The following DHX40 variants were observed in gnomAD, a reference collection of about 807,000 sequenced individuals.
The protein encoded by DHX40 is probable ATP-dependent RNA helicase DHX40.
Under a neutral mutation model 89.6 loss-of-function variants are expected in DHX40, and 28 were observed. The observed-to-expected ratio is 0.31, with a 90% CI of 0.23 to 0.43. The LOEUF is 0.43. Among genes scored for constraint, DHX40 ranks in the 20% least tolerant of loss-of-function variants. The pLI is 1.00. For synonymous variants in DHX40, 226 were observed against 283.6 expected (o/e 0.80, Z 2.04); for missense variants, 457 against 844.0 (o/e 0.54, Z 5.68).
chr17:59,573,463 G>A (rs1236396212), intron 4 of DHX40, among the ~76,000 whole-genome samples: 1 of 152,042 alleles, frequency 6.6e-6, no homozygotes, highest in African/African-American at 2.4e-5. Context: ...CTGAGTTGCT[G>A]GTACTGCAGA....
chr17:59,568,790 A>G (rs544653058), intron 2 of DHX40, among the ~76,000 whole-genome samples: 1 of 151,632 alleles, frequency 6.6e-6, no homozygotes, highest in Non-Finnish European at 1.5e-5. Flanking sequence ...ATCGATTTTA[A>G]GATGCAGCTC....
At chr17:59,568,907 G>A (rs899679180) in intron 2 of DHX40, among the ~76,000 whole-genome samples, 7 of 150,932 alleles carry the variant, frequency 4.6e-5, no homozygotes, top group East Asian at 3.9e-4. Context: ...TTACTATGTC[G>A]CCCAGGCTGA....
At chr17:59,565,812 A>T in intron 1 of DHX40, 29 bp downstream of exon 1, 1 of 1,563,926 alleles carries the variant, frequency 6.4e-7, no homozygotes, top group Admixed American at 1.8e-5. Context: ...TACGGAAGCC[A>T]GCGGGAGTTA....
At chr17:59,602,484 C>A (rs766244059) in intron 14 of DHX40, 38 bp from the exon 15 acceptor site, 46 of 1,491,904 alleles carry the variant, frequency 3.1e-5, no homozygotes, top group Non-Finnish European at 4.1e-5. Context: ...TCAAATTGTA[C>A]TATGAGATTT....
intron 2 of DHX40, among the ~76,000 whole-genome samples, chr17:59,570,097 TA>T (rs1567857883): frequency 4.6e-5 from 6 of 129,146 alleles, no homozygotes; most frequent in Non-Finnish European, 9.5e-5. Flanking sequence ...TAATATATAG[TA>T]TATATTATAA....
chr17:59,594,958 G>GT, intron 12 of DHX40, among the ~76,000 whole-genome samples: 1 of 152,036 alleles, frequency 6.6e-6, no homozygotes, highest in Non-Finnish European at 1.5e-5. Flanking sequence ...ATTTTGACTA[G>GT]TTTAATAGAT....
rs548961491 is a variant in DHX40 at position 59,585,747 on chromosome 17, A to G, written c.1344-406A>G. Among the ~76,000 whole-genome samples the G allele has an allele frequency of 1.6e-3, 236 of 145,318 alleles. 1 individual carries two copies. Among genetic ancestry groups the G allele is most frequent in the African/African-American group, 6.1e-3 (222 of 36,654 alleles). On this transcript the variant is annotated intron_variant, in intron 10 of 17. Coordinates refer to ENST00000251241, the MANE Select transcript of DHX40 (RefSeq NM_024612.5). ...CCAAAAAAAAGCATTTTGAGGTACT[A>G]TTGAACAATTTATAATTTTCAGTAC...
chr17:59,593,769 A>T (rs1312146679), intron 12 of DHX40, among the ~76,000 whole-genome samples: 1 of 150,072 alleles, frequency 6.7e-6, no homozygotes, highest in Non-Finnish European at 1.5e-5. Flanking sequence ...GGAGTGAGCC[A>T]CCATGCCCGG....
intron 10 of DHX40, among the ~76,000 whole-genome samples, chr17:59,581,795 A>C (rs77949906): frequency 0.087 from 10,494 of 120,748 alleles, 3,607 homozygotes; most frequent in African/African-American, 0.35. Flanking sequence ...GCAAAAAAAA[A>C]CCCCAAAACC....
In DHX40 at chr17:59,591,866, G is replaced by A. The variant is rs1032480959; in HGVS notation, c.1582+3813G>A. ...AACCATAGTACATTAATCAAAATTC[G>A]GAAATTGTTTTGTTTTGTTTGAGAG... On this transcript the variant is annotated intron_variant, in intron 12 of 17. Coordinates refer to ENST00000251241, the MANE Select transcript of DHX40 (RefSeq NM_024612.5). Among the ~76,000 whole-genome samples, 11 of 151,714 alleles carry A rather than the reference G, an allele frequency of 7.3e-5. No individual in the cohort carries two copies. In the East Asian group the frequency reaches 9.6e-4, roughly 13 times the overall value.
Position 59,572,991 on chromosome 17 carries a change from A to C in DHX40, c.427-125A>C, listed in dbSNP as rs1383823589. 3.0e-6 allele frequency: 3 copies of C among 998,870 alleles called. No individual in the cohort carries two copies. In the East Asian group the frequency reaches 7.9e-5, roughly 26 times the overall value. 61.9% of individuals were successfully genotyped at this position (998,870 alleles called of 1,614,324 possible). A position where few individuals can be genotyped will look rare whatever the true frequency, so the allele number is the denominator to read the frequency against. Reference sequence around the variant, plus strand: ...CCATCATTTTGTATACATAAGTTAGACTATTTTTATGTACCCTTTTGTTTA... The same window carrying C: ...CCATCATTTTGTATACATAAGTTAGCCTATTTTTATGTACCCTTTTGTTTA... On this transcript the variant is annotated intron_variant, in intron 3 of 17. Transcript: ENST00000251241.
chr17:59,600,054 C>A (rs186582168), intron 14 of DHX40, among the ~76,000 whole-genome samples: 2 of 152,104 alleles, frequency 1.3e-5, no homozygotes, highest in African/African-American at 4.8e-5. Flanking sequence ...AAACTCCTGA[C>A]CTCAAGTGAT....
intron 12 of DHX40, among the ~76,000 whole-genome samples, chr17:59,596,303 A>C (rs1289902665): frequency 1.3e-5 from 2 of 152,240 alleles, no homozygotes; most frequent in East Asian, 3.8e-4. Flanking sequence ...GTGTTGGCTC[A>C]AGCCTGTAAT....
At chr17:59,587,799 G>A in intron 11 of DHX40, 97 bp from the exon 12 acceptor site, 1 of 1,528,098 alleles carries the variant, frequency 6.5e-7, no homozygotes, top group Non-Finnish European at 8.9e-7. Flanking sequence ...GGTGATTGGA[G>A]GTAACGTAAA....
chr17:59,575,675 T>C (rs2048871241), intron 7 of DHX40: 1 of 481,416 alleles, frequency 2.1e-6, no homozygotes, highest in South Asian at 1.9e-5. Flanking sequence ...TGAAGTCTTT[T>C]TACATTCACT....
chr17:59,568,642 T>C (rs1234743548), intron 2 of DHX40, among the ~76,000 whole-genome samples: 1 of 152,054 alleles, frequency 6.6e-6, no homozygotes, highest in Non-Finnish European at 1.5e-5. Context: ...AGTAAAACTT[T>C]TGTAAATGTG....
intron 2 of DHX40, among the ~76,000 whole-genome samples, chr17:59,569,610 C>A (rs945413425): frequency 1.4e-5 from 2 of 147,230 alleles, no homozygotes; most frequent in African/African-American, 5.0e-5. Context: ...CGCTTGAACC[C>A]AGGAAGTGAA....
At chr17:59,587,725 T>C (rs540547836) in intron 11 of DHX40, among the ~76,000 whole-genome samples, 171 bp from the exon 12 acceptor site, 1 of 152,108 alleles carries the variant, frequency 6.6e-6, no homozygotes, top group Admixed American at 6.5e-5. Context: ...CCCAAAGTGC[T>C]AGGATTACAG....
In DHX40 at chr17:59,604,848, G is replaced by A. The variant is rs2030747673; in HGVS notation, c.1902-267G>A. On this transcript the variant is annotated intron_variant, in intron 15 of 17. Transcript: ENST00000251241. ...TTTAATAAAGTTCCTGGCTCTCAAAGCTCATAGATTATTGTTAATATTTGT... is the reference window on the plus strand; with the variant it reads ...TTTAATAAAGTTCCTGGCTCTCAAAACTCATAGATTATTGTTAATATTTGT... 3 of 341,608 alleles carry A rather than the reference G, an allele frequency of 8.8e-6. No individual in the cohort carries two copies. In the East Asian group the frequency reaches 1.4e-4, roughly 16 times the overall value. 21.2% of individuals were successfully genotyped at this position (341,608 alleles called of 1,614,324 possible).
Sources: gnomAD v4.1 joint callset for allele counts (sites outside exome capture counted in the v4.1 genomes callset) on GRCh38, gnomAD v4.1.1 for gene constraint, MANE v1.5 for transcripts, NCBI Gene and HGNC (gene_info 2026-07-23, HGNC 2026-07-21) for gene names.